The following THSD7B variants were observed in gnomAD, a reference collection of about 807,000 sequenced individuals.
The protein encoded by THSD7B is thrombospondin type 1 domain containing 7B.
In THSD7B, 138 loss-of-function variants were observed where a neutral mutation model predicts 213.6. That is an observed-to-expected ratio of 0.65 (90% CI 0.56 to 0.74). The LOEUF (loss-of-function observed/expected upper bound fraction) is 0.74. Among genes scored for constraint, THSD7B ranks in the 30% least tolerant of loss-of-function variants. THSD7B has a pLI of 0.00. For synonymous variants in THSD7B, 742 were observed against 687.0 expected, an observed-to-expected ratio of 1.08 and a Z score of -1.25; for missense variants, 1,931 against 1,991.5, an observed-to-expected ratio of 0.97 and a Z score of 0.58.
At chr2:137,293,362 C>T (rs60773316) in intron 12 of THSD7B, among the ~76,000 whole-genome samples, 7,703 of 152,004 alleles carry the variant, frequency 0.051, 463 homozygotes, top group African/African-American at 0.14. Flanking sequence ...GACCTAAAAT[C>T]CCTGAGCTCA....
chr2:137,488,923 C>T (rs1688536950), intron 15 of THSD7B, among the ~76,000 whole-genome samples: 2 of 152,272 alleles, frequency 1.3e-5, no homozygotes, highest in African/African-American at 2.4e-5. Context: ...CCAGGATCCC[C>T]ACTGCTGTGT....
intron 2 of THSD7B, among the ~76,000 whole-genome samples, chr2:136,988,069 A>C (rs1685699310): frequency 6.6e-6 from 1 of 152,176 alleles, no homozygotes; most frequent in Non-Finnish European, 1.5e-5. Flanking sequence ...AAATGCACTG[A>C]GTTGTTTAAT....
chr2:137,357,633 T>A (rs1685162229), intron 12 of THSD7B, among the ~76,000 whole-genome samples: 1 of 152,190 alleles, frequency 6.6e-6, no homozygotes. Context: ...CTGGAAAGAA[T>A]TGGTGTTTGA....
intron 16 of THSD7B, among the ~76,000 whole-genome samples, chr2:137,569,780 G>A (rs1681315961): frequency 6.6e-6 from 1 of 150,878 alleles, no homozygotes; most frequent in Admixed American, 6.7e-5. Context: ...GTGGAGTAAT[G>A]CCTTTCCCTC....
At chr2:137,466,723 C>T (rs1687997092) in intron 15 of THSD7B, among the ~76,000 whole-genome samples, 1 of 152,008 alleles carries the variant, frequency 6.6e-6, no homozygotes. Flanking sequence ...TGATTTGCAA[C>T]TAAAAGAAAC....
At chr2:137,600,982 T>A (rs966807007) in intron 17 of THSD7B, among the ~76,000 whole-genome samples, 9 of 152,010 alleles carry the variant, frequency 5.9e-5, no homozygotes, top group Non-Finnish European at 1.0e-4. Flanking sequence ...AAAAAAAGTT[T>A]AAATAGGAAA....
chr2:136,915,966 T>C (rs950773213), intron 2 of THSD7B, among the ~76,000 whole-genome samples: 8 of 152,190 alleles, frequency 5.3e-5, no homozygotes, highest in African/African-American at 9.6e-5. Flanking sequence ...ATTGTAAAGA[T>C]AATAACTCAT....
intron 1 of THSD7B, among the ~76,000 whole-genome samples, chr2:136,791,417 A>G (rs1573639752): frequency 6.6e-6 from 1 of 151,968 alleles, no homozygotes; most frequent in South Asian, 2.1e-4. Context: ...CGTACAATAC[A>G]ATGGTGTTTA....
chr2:137,528,271 A>G (rs1005277755), intron 15 of THSD7B, among the ~76,000 whole-genome samples: 3 of 152,060 alleles, frequency 2.0e-5, no homozygotes, highest in Non-Finnish European at 4.4e-5. Context: ...ATGAAGGAGG[A>G]GGAGTCAGAC....
rs143647455 is a variant in THSD7B at position 137,319,208 on chromosome 2, T to C, written c.2500+43182T>C. Among the ~76,000 whole-genome samples, 11 of 152,108 alleles carry C rather than the reference T, an allele frequency of 7.2e-5. No homozygotes were observed. The East Asian group carries it at 2.1e-3, about 29-fold the overall frequency. ...AAAAAGGGAGTTAAGATGACTATAC[T>C]GTAAGTATATATTTCTTTTTTTTTT... On this transcript the variant is annotated intron_variant, in intron 12 of 27. Coordinates refer to ENST00000409968, the MANE Select transcript of THSD7B (RefSeq NM_001316349.2).
chr2:137,343,397 G>C (rs968446836), intron 12 of THSD7B, among the ~76,000 whole-genome samples: 3 of 151,258 alleles, frequency 2.0e-5, no homozygotes, highest in Non-Finnish European at 4.4e-5. Flanking sequence ...TTTTTTCTAG[G>C]TTATAGTTTG....
intron 12 of THSD7B, among the ~76,000 whole-genome samples, chr2:137,405,257 C>A (rs954272824): frequency 1.3e-5 from 2 of 148,408 alleles, no homozygotes; most frequent in Non-Finnish European, 3.0e-5. Flanking sequence ...AAAGTAGTTT[C>A]GTCCTTTTTG....
At chr2:137,124,952 T>G (rs984965681) in intron 5 of THSD7B, among the ~76,000 whole-genome samples, 10 of 152,236 alleles carry the variant, frequency 6.6e-5, no homozygotes, top group Non-Finnish European at 1.5e-4. Context: ...AAAAATCTTT[T>G]GAACTTGTTT....
chr2:137,403,789 G>A (rs1239605521), intron 12 of THSD7B, among the ~76,000 whole-genome samples: 5 of 152,196 alleles, frequency 3.3e-5, no homozygotes, highest in Non-Finnish European at 5.9e-5. Context: ...TTGCCCCCAA[G>A]GGAACATTTG....
At chr2:136,922,196 G>C (rs1684447740) in intron 2 of THSD7B, among the ~76,000 whole-genome samples, 1 of 152,164 alleles carries the variant, frequency 6.6e-6, no homozygotes, top group Non-Finnish European at 1.5e-5. Flanking sequence ...GGTCCACATA[G>C]GAACTCAGTA....
At chr2:137,419,444 TACTGAGTGATGAAATAGC>T (rs2105024094) in intron 14 of THSD7B, among the ~76,000 whole-genome samples, 2 of 138,524 alleles carry the variant, frequency 1.4e-5, no homozygotes, top group Non-Finnish European at 3.2e-5. Context: ...AGAATAATGT[TACTGAGTGATGAAATAGC>T]TCTCTGCAGA....
intron 1 of THSD7B, among the ~76,000 whole-genome samples, chr2:136,830,905 T>TC (rs1415221996): frequency 6.6e-6 from 1 of 152,136 alleles, no homozygotes; most frequent in Non-Finnish European, 1.5e-5. Flanking sequence ...GATCCATAAA[T>TC]CCCCCTTGAT....
intron 3 of THSD7B, among the ~76,000 whole-genome samples, chr2:137,070,705 C>A (rs1172442252): frequency 6.6e-6 from 1 of 152,012 alleles, no homozygotes; most frequent in Non-Finnish European, 1.5e-5. Context: ...AATGCTATCC[C>A]TCCCCCTGTC....
At chr2:137,020,545 C>T (rs911360170) in intron 2 of THSD7B, among the ~76,000 whole-genome samples, 1 of 152,050 alleles carries the variant, frequency 6.6e-6, no homozygotes, top group African/African-American at 2.4e-5. Context: ...TGTGCCAGGA[C>T]CCCCCGTTAT....
Sources: allele counts gnomAD v4.1 joint callset (sites outside exome capture counted in the v4.1 genomes callset), GRCh38; gene constraint gnomAD v4.1.1; transcripts MANE v1.5; gene names NCBI Gene and HGNC (gene_info 2026-07-23, HGNC 2026-07-21).